PREX1: variants seen among roughly 807,000 people sequenced by gnomAD.
The protein encoded by PREX1 is phosphatidylinositol-3,4,5-trisphosphate dependent Rac exchange factor 1, also known as phosphatidylinositol 3,4,5-trisphosphate-dependent Rac exchanger 1 protein.
A neutral mutation model predicts 198.3 loss-of-function variants in PREX1; 41 were observed. The ratio of observed to expected loss-of-function variants is 0.21; its 90% confidence interval spans 0.16 to 0.27. PREX1 has a LOEUF of 0.27. Among genes scored for constraint, PREX1 ranks in the 10% least tolerant of loss-of-function variants. The probability of loss-of-function intolerance (pLI) is 1.00; values close to 1 mark genes in which losing one functional copy is unlikely to be tolerated. For missense variants in PREX1, 1,620 were observed against 2,200.7 expected (o/e 0.74, Z 5.28); for synonymous variants, 843 against 887.2 (o/e 0.95, Z 0.89).
At chr20:48,638,318 ACAC>A (rs2089382087) in intron 30 of PREX1, among the ~76,000 whole-genome samples, 2 of 152,160 alleles carry the variant, frequency 1.3e-5, no homozygotes, top group Non-Finnish European at 2.9e-5. Flanking sequence ...CCACACAGAC[ACAC>A]AACAGACACA....
At position 48,642,381 on chromosome 20, in the gene PREX1, C is replaced by T. The variant is rs768290987; in HGVS notation, c.3684+26G>A. 2.2e-5 allele frequency: 36 copies of T among 1,608,880 alleles called. No homozygotes were observed. In the South Asian group the frequency reaches 2.9e-4, roughly 13 times the overall value. On this transcript the variant is annotated intron_variant, in intron 28 of 39. Transcript: ENST00000371941. ...GTGTGACAGGAGGAACCCAAAGTTG[C>T]GCCAGGAGTGGGGCAAAGGTCCTAC...
chr20:48,734,888 G>A (rs1321623758), intron 3 of PREX1, among the ~76,000 whole-genome samples: 1 of 152,198 alleles, frequency 6.6e-6, no homozygotes, highest in Non-Finnish European at 1.5e-5. Flanking sequence ...AGTGTGGCCT[G>A]GGGGTCAAGA....
chr20:48,632,516 T>A lies in PREX1; in HGVS notation c.4391A>T (p.His1464Leu). Residue 1464 changes from histidine to leucine, a missense_variant, in exon 34 of 40, where the codon CAC becomes CTC. Transcript: ENST00000371941. Reference sequence around the variant, plus strand: ...CTCACCTTTCGTGAACAGCGCTGTGTGCAGCCTCAGGCTGGCCCCACCCTC... The same window carrying A: ...CTCACCTTTCGTGAACAGCGCTGTGAGCAGCCTCAGGCTGGCCCCACCCTC... The part of the protein sequence containing the change: ...RLEGGASLRL[H>L]TALFTKVLEN... The A allele has an allele frequency of 6.2e-7, 1 of 1,614,056 alleles. No individual in the cohort carries two copies. Among genetic ancestry groups the A allele is most frequent in the Middle Eastern group, 1.6e-4 (1 of 6,062 alleles).
At chr20:48,801,489 G>C (rs1318240147) in intron 1 of PREX1, among the ~76,000 whole-genome samples, 1 of 152,142 alleles carries the variant, frequency 6.6e-6, no homozygotes, top group African/African-American at 2.4e-5. Flanking sequence ...AGTCCCTTCT[G>C]GTCAGAGCAC....
chr20:48,659,206 GAAGA>G (rs1455591731), intron 16 of PREX1, among the ~76,000 whole-genome samples: 2 of 104,364 alleles, frequency 1.9e-5, no homozygotes, highest in African/African-American at 3.4e-5. Flanking sequence ...GGAGGGGAGG[GAAGA>G]AAGAAAGGGG....
In PREX1 at chr20:48,645,917, A is replaced by T; in HGVS notation, c.3446T>A (p.Phe1149Tyr). 3 of 1,614,122 alleles carry T rather than the reference A, an allele frequency of 1.9e-6. No individual in the cohort carries two copies. The East Asian group carries it at 6.7e-5, about 36-fold the overall frequency. The part of the protein sequence containing the change: ...SDHGGIKKVC[F>Y]KVAEEDQEDS... ...CTCCTGGTCCTCCTCGGCCACCTTG[A>T]AGCACACCTTCTTGATGCCCCCATG... Residue 1149 changes from phenylalanine to tyrosine, a missense_variant, in exon 26 of 40, where the codon TTC becomes TAC. Phe to Tyr is a conservative substitution (Grantham distance 22). This residue lies in a region of PREX1 where 8 missense variants were observed against 26.8 expected (regional missense o/e 0.30). Transcript: ENST00000371941.
At chr20:48,696,606 CACAT>C (rs56182314) in intron 7 of PREX1, among the ~76,000 whole-genome samples, 37,909 of 142,742 alleles carry the variant, frequency 0.27, 5,925 homozygotes, top group African/African-American at 0.45. Context: ...TACACACACA[CACAT>C]ACATACATAC....
At chr20:48,630,639 G>A (rs565373336) in intron 36 of PREX1, 89 bp downstream of exon 36, 346 of 1,207,900 alleles carry the variant, frequency 2.9e-4, no homozygotes, top group Non-Finnish European at 3.8e-4. Flanking sequence ...ATCTGCTGGG[G>A]CACAACCCTG....
chr20:48,798,580 G>C (rs796182483), intron 1 of PREX1, among the ~76,000 whole-genome samples: 18 of 152,272 alleles, frequency 1.2e-4, no homozygotes, highest in African/African-American at 4.3e-4. Context: ...ACTCTGACAA[G>C]TCCTTTCCCA....
chr20:48,757,363 G>T (rs372405545), intron 1 of PREX1, among the ~76,000 whole-genome samples: 4 of 152,194 alleles, frequency 2.6e-5, no homozygotes, highest in African/African-American at 9.7e-5. Flanking sequence ...AACCGTGCTG[G>T]ACTGGACACA....
intron 1 of PREX1, among the ~76,000 whole-genome samples, chr20:48,775,944 T>C (rs2090259295): frequency 6.6e-6 from 1 of 151,954 alleles, no homozygotes; most frequent in Non-Finnish European, 1.5e-5. Flanking sequence ...GGCAAGAAGG[T>C]AGGTGGGGGC....
intron 10 of PREX1, among the ~76,000 whole-genome samples, chr20:48,682,723 C>A (rs1429373296): frequency 1.3e-5 from 2 of 152,046 alleles, no homozygotes; most frequent in Non-Finnish European, 2.9e-5. Context: ...CTAGTTCTTG[C>A]GGGTGCTTCT....
At chr20:48,682,489 T>G (rs1368275640) in intron 10 of PREX1, among the ~76,000 whole-genome samples, 1 of 152,246 alleles carries the variant, frequency 6.6e-6, no homozygotes, top group African/African-American at 2.4e-5. Flanking sequence ...GTCTTATTCA[T>G]GGCACTATCC....
At chr20:48,862,802 T>TAA in the PREX1 span, among the ~76,000 whole-genome samples, 1 of 109,294 alleles carries the variant, frequency 9.1e-6, no homozygotes, top group South Asian at 2.8e-4. Context: ...TATATATATA[T>TAA]ATATATATAT....
At chr20:48,880,025 T>G in the PREX1 span, among the ~76,000 whole-genome samples, 3 of 152,214 alleles carry the variant, frequency 2.0e-5, no homozygotes, top group Admixed American at 1.3e-4. Context: ...GTGGTGCCCA[T>G]CTTTCTGGTA....
chr20:48,667,713 C>T (rs1208565661), intron 14 of PREX1, among the ~76,000 whole-genome samples: 4 of 152,216 alleles, frequency 2.6e-5, no homozygotes, highest in African/African-American at 4.8e-5. Flanking sequence ...CAACCCGAAA[C>T]GTGAAGAATG....
At position 48,691,406 on chromosome 20, in the gene PREX1, G is replaced by A. The variant is rs2089818713; in HGVS notation, c.1037-310C>T. On this transcript the variant is annotated intron_variant, in intron 8 of 39. Transcript: ENST00000371941. This position sits in a 1 kb window ranked among gnomAD's most constrained non-coding sequence, Gnocchi z 5.0. ...GCTTGGAGCCCCAAAATGCTTCCTG[G>A]GCTCCTCCCATCTCACTCGGGCACT... 1.3e-5 allele frequency among the ~76,000 whole-genome samples: 2 copies of A among 152,230 alleles called. No individual in the cohort carries two copies. Among genetic ancestry groups the A allele is most frequent in the South Asian group, 4.1e-4 (2 of 4,820 alleles).
chr20:48,816,889 C>T (rs2090461573), intron 1 of PREX1, among the ~76,000 whole-genome samples: 1 of 152,194 alleles, frequency 6.6e-6, no homozygotes, highest in South Asian at 2.1e-4. Flanking sequence ...CCCACAGAAA[C>T]TTCGAGGTAA....
intron 5 of PREX1, among the ~76,000 whole-genome samples, chr20:48,725,209 G>A (rs546378189): frequency 6.6e-6 from 1 of 152,312 alleles, no homozygotes; most frequent in South Asian, 2.1e-4. Flanking sequence ...AAACCCCTGT[G>A]AGCAGGTGCG....
Sources: gnomAD v4.1 joint callset for allele counts (sites outside exome capture counted in the v4.1 genomes callset) on GRCh38, gnomAD v4.1.1 for gene constraint, gnomAD v4.1.1 regional missense constraint, Gnocchi (gnomAD v3.1) non-coding constraint, MANE v1.5 for transcripts, NCBI Gene and HGNC (gene_info 2026-07-23, HGNC 2026-07-21) for gene names.